The following CCDC171 variants were observed in gnomAD, a reference collection of about 807,000 sequenced individuals.
CCDC171 encodes coiled-coil domain containing 171.
A neutral mutation model predicts 168.2 loss-of-function variants in CCDC171; 177 were observed. The ratio of observed to expected loss-of-function variants is 1.05; its 90% CI spans 0.93 to 1.19. CCDC171 has a LOEUF of 1.19. Ranked by LOEUF, CCDC171 falls within the 50% of genes most tolerant of loss-of-function variation. The pLI, the probability that CCDC171 is intolerant of heterozygous loss-of-function variation, is 0.00. For missense variants in CCDC171, 1,991 were observed against 1,539.0 expected (o/e 1.29, Z -4.91); for synonymous variants, 687 against 540.8 (o/e 1.27, Z -3.75).
intron 25 of CCDC171, among the ~76,000 whole-genome samples, chr9:15,951,766 C>T (rs1440968113): frequency 1.3e-5 from 2 of 151,886 alleles, no homozygotes; most frequent in Non-Finnish European, 2.9e-5. Context: ...GATATAAATC[C>T]CTTAACAGAT....
At chr9:15,919,564 T>C (rs1277876414) in intron 24 of CCDC171, among the ~76,000 whole-genome samples, 2 of 151,638 alleles carry the variant, frequency 1.3e-5, no homozygotes, top group East Asian at 3.9e-4. Flanking sequence ...GGCATAATAG[T>C]ATCCTGGACT....
At chr9:15,719,984 C>G (rs2053366660) in intron 11 of CCDC171, among the ~76,000 whole-genome samples, 1 of 45,188 alleles carries the variant, frequency 2.2e-5, no homozygotes, top group South Asian at 7.6e-4. Flanking sequence ...ACGAAGAGTA[C>G]TGTCTCCTCT....
At chr9:15,772,297 G>A (rs552103532) in intron 18 of CCDC171, among the ~76,000 whole-genome samples, 3 of 151,520 alleles carry the variant, frequency 2.0e-5, no homozygotes, top group African/African-American at 4.8e-5. Context: ...ATCATACTGC[G>A]TTTTTCATGA....
At chr9:15,567,018 C>G (rs796186219) in intron 2 of CCDC171, among the ~76,000 whole-genome samples, 5 of 142,436 alleles carry the variant, frequency 3.5e-5, no homozygotes, top group African/African-American at 1.3e-4. Flanking sequence ...ATATATTGAT[C>G]TACATGTCCT....
chr9:15,926,678 A>C (rs535414502), intron 25 of CCDC171, among the ~76,000 whole-genome samples: 15 of 151,660 alleles, frequency 9.9e-5, no homozygotes, highest in Non-Finnish European at 2.2e-4. Context: ...TAATAAGTAG[A>C]TGAAAATTCC....
chr9:15,721,504 T>C (rs1366092172), intron 11 of CCDC171, among the ~76,000 whole-genome samples: 1 of 151,220 alleles, frequency 6.6e-6, no homozygotes, highest in African/African-American at 2.4e-5. Context: ...AAAGTAGTCA[T>C]AAATTTAAAT....
intron 25 of CCDC171, among the ~76,000 whole-genome samples, chr9:15,968,758 C>G (rs1045107376): frequency 3.3e-5 from 5 of 152,050 alleles, no homozygotes; most frequent in African/African-American, 1.2e-4. Context: ...AGGCTGGTCT[C>G]CAATTCCTGA....
chr9:15,880,951 A>G (rs1412544955), intron 24 of CCDC171, among the ~76,000 whole-genome samples: 6 of 152,190 alleles, frequency 3.9e-5, no homozygotes, highest in Non-Finnish European at 8.8e-5. Context: ...TCATCTGAGA[A>G]TAAACGAATT....
downstream of CCDC171, among the ~76,000 whole-genome samples, chr9:16,063,614 G>T (rs533451487): frequency 6.6e-6 from 1 of 152,208 alleles, no homozygotes; most frequent in Non-Finnish European, 1.5e-5. Flanking sequence ...ACCAGGAGTG[G>T]TTTGAATATT....
chr9:15,908,391 C>T (rs1823056931), intron 24 of CCDC171, among the ~76,000 whole-genome samples: 1 of 151,794 alleles, frequency 6.6e-6, no homozygotes, highest in Admixed American at 6.6e-5. Context: ...CATTCTCAGC[C>T]AACTATCACA....
At chr9:15,763,230 T>A (rs2056545229) in intron 18 of CCDC171, among the ~76,000 whole-genome samples, 1 of 152,190 alleles carries the variant, frequency 6.6e-6, no homozygotes, top group Non-Finnish European at 1.5e-5. Context: ...TTCCCAATAT[T>A]GAGGTATGAT....
intron 3 of CCDC171, among the ~76,000 whole-genome samples, chr9:16,000,467 T>TA (rs1204767632): frequency 2.0e-5 from 3 of 152,212 alleles, no homozygotes; most frequent in Non-Finnish European, 4.4e-5. Flanking sequence ...AAAAAAATTT[T>TA]AATCATCTTT....
At chr9:15,657,728 A>G (rs1174065950) in intron 8 of CCDC171, among the ~76,000 whole-genome samples, 1 of 152,256 alleles carries the variant, frequency 6.6e-6, no homozygotes, top group Non-Finnish European at 1.5e-5. Flanking sequence ...ATCTCCAGAT[A>G]TATAGATGCT....
intron 23 of CCDC171, among the ~76,000 whole-genome samples, chr9:15,859,356 G>C (rs76670586): frequency 6.6e-6 from 1 of 151,104 alleles, no homozygotes; most frequent in Non-Finnish European, 1.5e-5. Flanking sequence ...TTTTTTTCTT[G>C]TGATGTCCTT....
the CCDC171 span, among the ~76,000 whole-genome samples, chr9:16,083,685 T>G: frequency 6.6e-6 from 1 of 152,164 alleles, no homozygotes; most frequent in African/African-American, 2.4e-5. Context: ...AAATTCATAT[T>G]CCCTGGGGAT....
downstream of CCDC171, among the ~76,000 whole-genome samples, chr9:16,062,022 G>A (rs1384850939): frequency 6.6e-6 from 1 of 152,102 alleles, no homozygotes; most frequent in Non-Finnish European, 1.5e-5. Context: ...GGGAATACCA[G>A]GAATTGTACA....
At position 15,641,979 on chromosome 9, in the gene CCDC171, C is replaced by T. The variant is rs922420581; in HGVS notation, c.823-15148C>T. 7.9e-5 allele frequency among the ~76,000 whole-genome samples: 12 copies of T among 152,076 alleles called. 1 individual carries two copies. The highest frequency in any genetic ancestry group is 1.5e-4 in the Non-Finnish European group (10 of 68,024). On this transcript the variant is annotated intron_variant, in intron 7 of 25. Coordinates refer to ENST00000380701, the MANE Select transcript of CCDC171 (RefSeq NM_173550.4). The stretch of plus-strand genomic sequence containing the variant: ...AAGAGTCCGAGATCAGCCTGGCCAA[C>T]ATGGTGAAACCCCATCTCTACCAAA...
intron 25 of CCDC171, among the ~76,000 whole-genome samples, chr9:15,938,772 A>G (rs1413175737): frequency 1.1e-4 from 16 of 151,860 alleles, no homozygotes; most frequent in East Asian, 1.9e-4. Context: ...CCTGACACCA[A>G]CTGGAAAGAT....
At chr9:15,647,034 A>G (rs1025142182) in intron 7 of CCDC171, among the ~76,000 whole-genome samples, 1 of 152,224 alleles carries the variant, frequency 6.6e-6, no homozygotes, top group Non-Finnish European at 1.5e-5. Context: ...AAAAGAACAG[A>G]AATTTTGACA....
Sources: gnomAD v4.1 joint callset for allele counts (sites outside exome capture counted in the v4.1 genomes callset) on GRCh38, gnomAD v4.1.1 for gene constraint, MANE v1.5 for transcripts, NCBI Gene and HGNC (gene_info 2026-07-23, HGNC 2026-07-21) for gene names.